The following ZNF345 variants were observed in gnomAD, a reference collection of about 807,000 sequenced individuals.
ZNF345 encodes the protein zinc finger protein 345.
For synonymous variants in ZNF345, 166 were observed against 187.9 expected (o/e 0.88, Z 0.95); for missense variants, 527 against 589.9 (o/e 0.89, Z 1.10).
rs754477374 is a variant in ZNF345 at position 36,878,232 on chromosome 19, G to C, written c.1402G>C (p.Glu468Gln). 6.2e-7 allele frequency: 1 copy of C among 1,608,430 alleles called. No homozygotes were observed. Among genetic ancestry groups the C allele is most frequent in the Non-Finnish European group, 8.5e-7 (1 of 1,178,416 alleles). The change falls in exon 3 of 3, where the codon GAG (glutamate) becomes CAG (glutamine). Residue 468 changes from glutamate (E) to glutamine (Q), a missense_variant. By Grantham distance (29) the Glu-to-Gln change is conservative. Transcript: ENST00000420450. ...TGGGAAGGCTTATGGGAGGGATTCAGAGTTTCAGCAACATAAGAAAAGTCA... is the reference window on the plus strand; with the variant it reads ...TGGGAAGGCTTATGGGAGGGATTCACAGTTTCAGCAACATAAGAAAAGTCA... The part of the protein sequence containing the change: ...NCGKAYGRDS[E>Q]FQQHKKSHNG...
chr19:36,881,384 T>C (rs1317360411), downstream of ZNF345, among the ~76,000 whole-genome samples: 2 of 152,182 alleles, frequency 1.3e-5, no homozygotes, highest in Non-Finnish European at 2.9e-5. Flanking sequence ...AATAATTATT[T>C]TGAAAATTGA....
Position 36,877,249 on chromosome 19 carries a change from A to G in ZNF345, c.419A>G (p.His140Arg). The G allele has an allele frequency of 6.2e-7, 1 of 1,614,164 alleles. No individual in the cohort carries two copies. Among genetic ancestry groups the G allele is most frequent in the Non-Finnish European group, 8.5e-7 (1 of 1,180,002 alleles). ...GSNLTHHQRIHTGEKPYECKE... is the reference protein window; with the variant it reads ...GSNLTHHQRIRTGEKPYECKE... The stretch of plus-strand genomic sequence containing the variant: ...AACCTTACTCACCATCAGAGAATTC[A>G]TACTGGTGAGAAACCCTATGAGTGT... The change falls in exon 3 of 3, where the codon CAT (histidine) becomes CGT (arginine). Residue 140 changes from histidine to arginine, a missense_variant. By Grantham distance (29) the His-to-Arg change is conservative. Transcript: ENST00000420450.
At chr19:36,870,523 G>A (rs1267339278) in intron 2 of ZNF345, among the ~76,000 whole-genome samples, 1 of 152,024 alleles carries the variant, frequency 6.6e-6, no homozygotes, top group Non-Finnish European at 1.5e-5. Flanking sequence ...CTTGATATTG[G>A]TGGCATGTGA....
At chr19:36,880,733 G>A (rs1375096559), downstream of ZNF345, among the ~76,000 whole-genome samples, 1 of 152,160 alleles carries the variant, frequency 6.6e-6, no homozygotes, top group African/African-American at 2.4e-5. Flanking sequence ...CACTATTATT[G>A]TGCCACTGCA....
At position 36,878,478 on chromosome 19, in the gene ZNF345, T is replaced by C. The variant is rs191421113; in HGVS notation, c.*181T>C. On this transcript the variant is annotated 3_prime_UTR_variant, in exon 3 of 3. Transcript: ENST00000420450. ...TAAAATAAATATTTGAAGATCCTTA[T>C]CTATATTCATTCCTTCATTACTTTT... 723 of 465,410 alleles carry C rather than the reference T, an allele frequency of 1.6e-3. 4 individuals are homozygous for C. Among genetic ancestry groups the C allele is most frequent in the African/African-American group, 0.014 (673 of 49,644 alleles). 28.8% of individuals were successfully genotyped at this position (465,410 alleles called of 1,614,324 possible). A position where few individuals can be genotyped will look rare whatever the true frequency, so the allele number is the denominator to read the frequency against.
intron 1 of ZNF345, chr19:36,851,542 G>A (rs1262563299): frequency 6.6e-6 from 1 of 152,552 alleles, no homozygotes; most frequent in Non-Finnish European, 1.5e-5. Flanking sequence ...GTGTGAGTGA[G>A]TTTGTGTGAC....
chr19:36,892,892 G>T, exon 4 of ZNF345: 1 of 1,158,384 alleles, frequency 8.6e-7, no homozygotes, highest in Non-Finnish European at 1.1e-6. Flanking sequence ...CGACTGCAAG[G>T]CCATCAGCAT....
intron 2 of ZNF345, among the ~76,000 whole-genome samples, chr19:36,861,343 G>A (rs2072542684): frequency 6.6e-6 from 1 of 152,272 alleles, no homozygotes; most frequent in Middle Eastern, 3.4e-3. Context: ...TGATGGGACT[G>A]CAGTGTTCAT....
At chr19:36,886,072 T>G (rs149926101) in intron 3 of ZNF345, among the ~76,000 whole-genome samples, 3 of 152,274 alleles carry the variant, frequency 2.0e-5, no homozygotes, top group Non-Finnish European at 4.4e-5. Context: ...GAGCAACAAA[T>G]AAAGTGGTAT....
chr19:36,874,119 G>A (rs1183874687), intron 2 of ZNF345, among the ~76,000 whole-genome samples: 2 of 152,206 alleles, frequency 1.3e-5, no homozygotes, highest in African/African-American at 4.8e-5. Context: ...TACACAAAAA[G>A]TGTAACTATG....
intron 3 of ZNF345, chr19:36,891,535 C>A: frequency 1.3e-6 from 2 of 1,599,228 alleles, no homozygotes; most frequent in Non-Finnish European, 1.7e-6. Context: ...GTCAGAGCGA[C>A]TACCAAAAGC....
At chr19:36,891,521 T>G (rs1414884628) in intron 3 of ZNF345, 1 of 1,576,060 alleles carries the variant, frequency 6.3e-7, no homozygotes, top group African/African-American at 1.4e-5. Flanking sequence ...TCATGGCGAA[T>G]GAGGTCAGAG....
At chr19:36,885,628 C>T (rs2072992115) in intron 3 of ZNF345, among the ~76,000 whole-genome samples, 1 of 151,656 alleles carries the variant, frequency 6.6e-6, no homozygotes, top group Non-Finnish European at 1.5e-5. Context: ...TCTTTCTTCC[C>T]CTAGAGGCTT....
chr19:36,853,588 C>T (rs1053449833), intron 2 of ZNF345, among the ~76,000 whole-genome samples: 1 of 152,078 alleles, frequency 6.6e-6, no homozygotes, highest in African/African-American at 2.4e-5. Flanking sequence ...CTTTACACCA[C>T]CTGGAATTTT....
intron 2 of ZNF345, among the ~76,000 whole-genome samples, chr19:36,876,166 A>AAACCACATTCT (rs2072877693): frequency 6.6e-6 from 1 of 152,174 alleles, no homozygotes; most frequent in African/African-American, 2.4e-5. Context: ...TGGCATAAAC[A>AAACCACATTCT]AACCACATTC....
chr19:36,853,263 T>C (rs1181417382), intron 2 of ZNF345, among the ~76,000 whole-genome samples: 1 of 150,060 alleles, frequency 6.7e-6, no homozygotes, highest in Non-Finnish European at 1.5e-5. Context: ...TTTTTTTTTT[T>C]TTGACTCGAA....
At chr19:36,891,002 C>G (rs150552165) in intron 3 of ZNF345, 1 of 153,534 alleles carries the variant, frequency 6.5e-6, no homozygotes, top group Non-Finnish European at 1.4e-5. Flanking sequence ...CCCCTGGTAC[C>G]GGTAAATGTG....
At chr19:36,852,307 C>G (rs1289021540) in intron 2 of ZNF345, among the ~76,000 whole-genome samples, 3 of 151,708 alleles carry the variant, frequency 2.0e-5, no homozygotes, top group African/African-American at 7.3e-5. Flanking sequence ...AGAATATATA[C>G]CTAGTGATTA....
chr19:36,871,214 C>T (rs895193428), intron 2 of ZNF345, among the ~76,000 whole-genome samples: 9 of 152,122 alleles, frequency 5.9e-5, no homozygotes, highest in Admixed American at 3.9e-4. Flanking sequence ...TTTTTAAGGA[C>T]ATTAATTACA....
Sources: allele counts gnomAD v4.1 joint callset (sites outside exome capture counted in the v4.1 genomes callset), GRCh38; gene constraint gnomAD v4.1.1; transcripts MANE v1.5; gene names NCBI Gene and HGNC (gene_info 2026-07-23, HGNC 2026-07-21).